Variants in SLC9A6 observed in about 807,000 individuals in gnomAD.
The protein encoded by SLC9A6 is solute carrier family 9 member A6, also known as sodium/hydrogen exchanger 6.
Under a neutral mutation model 45.3 loss-of-function variants are expected in SLC9A6, and 6 were observed. The ratio of observed to expected loss-of-function variants is 0.13; its 90% confidence interval spans 0.07 to 0.26. SLC9A6 has a LOEUF of 0.26. SLC9A6 is among the 10% of genes least tolerant of loss of function. The probability of loss-of-function intolerance (pLI) is 1.00; values close to 1 mark genes in which losing one functional copy is unlikely to be tolerated. For missense variants in SLC9A6, 278 were observed against 503.7 expected (o/e 0.55, Z 4.29); for synonymous variants, 191 against 187.7 (o/e 1.02, Z -0.14).
At chrX:136,042,666 T>C (rs1402115833) in intron 17 of SLC9A6, among the ~76,000 whole-genome samples, 1 of 112,111 alleles carries the variant, frequency 8.9e-6, no homozygotes, top group Admixed American at 9.5e-5. Flanking sequence ...ATATATTTTA[T>C]TGCAAATAAA....
chrX:136,009,009 A>G (rs1396623102), intron 7 of SLC9A6, among the ~76,000 whole-genome samples: 1 of 112,275 alleles, frequency 8.9e-6, no homozygotes, highest in Non-Finnish European at 1.9e-5. Flanking sequence ...GAGGCATGGC[A>G]TAGGTATTTT....
intron 13 of SLC9A6, among the ~76,000 whole-genome samples, chrX:136,026,106 G>A (rs1388771456): frequency 8.9e-6 from 1 of 112,035 alleles, no homozygotes; most frequent in African/African-American, 3.2e-5. Flanking sequence ...TTATAATATT[G>A]TCTTATAGTC....
At chrX:135,992,934 C>T (rs2089453433) in intron 2 of SLC9A6, among the ~76,000 whole-genome samples, 2 of 111,608 alleles carry the variant, frequency 1.8e-5, no homozygotes, top group Non-Finnish European at 3.8e-5. Flanking sequence ...TAGCATAGTA[C>T]ACTCATTCAC....
chrX:135,973,861 G>A (rs1556612930), upstream of SLC9A6: 2 of 1,159,837 alleles, frequency 1.7e-6, no homozygotes, highest in Admixed American at 2.6e-5. Flanking sequence ...GGAAGAAGCA[G>A]AAAGCTACAC....
At chrX:135,998,021 A>G in intron 3 of SLC9A6, 87 bp from the exon 4 acceptor site, 5 of 552,132 alleles carry the variant, frequency 9.1e-6, no homozygotes, top group South Asian at 2.4e-5. Flanking sequence ...CTAGTTTAAC[A>G]TATAGTATTT....
At chrX:136,005,214 C>T (rs900210385) in intron 7 of SLC9A6, among the ~76,000 whole-genome samples, 3 of 112,179 alleles carry the variant, frequency 2.7e-5, no homozygotes, top group East Asian at 2.8e-4. Flanking sequence ...AGTTGATTAG[C>T]GTTAGAGGAA....
At chrX:135,991,923 C>A (rs1466593337) in intron 2 of SLC9A6, among the ~76,000 whole-genome samples, 2 of 110,728 alleles carry the variant, frequency 1.8e-5, no homozygotes, top group African/African-American at 6.6e-5. Flanking sequence ...ATATCATAGT[C>A]TTCTTCCCAT....
chrX:136,020,049 T>A (rs2071093129), intron 11 of SLC9A6, among the ~76,000 whole-genome samples: 1 of 112,271 alleles, frequency 8.9e-6, no homozygotes, highest in East Asian at 2.8e-4. Context: ...ACCACAGAGG[T>A]AAAATGCCAT....
At position 135,994,950 on chromosome X, in the gene SLC9A6, C is replaced by G; in HGVS notation, c.334C>G (p.Leu112Val). ...GAAAGGAGAGATTAGTTCACATGAA[C>G]TCAATAATGTTCAAGATAATGAAAT... is the stretch of plus-strand genomic sequence containing the variant. ...MLKGEISSHE[L>V]NNVQDNEMLR... Residue 112 changes from leucine (L) to valine (V), a missense_variant, in exon 3 of 18, where the codon CTC becomes GTC. By Grantham distance (32) the Leu-to-Val change is conservative. Around this residue, in one of 5 missense-constraint regions of SLC9A6, gnomAD observed 118 missense variants for 209.9 expected, o/e 0.56. Coordinates refer to ENST00000630721, the MANE Select transcript of SLC9A6 (RefSeq NM_001379110.1). 1 of 1,198,726 alleles carries G rather than the reference C, an allele frequency of 8.3e-7. No homozygotes were observed. Among genetic ancestry groups the G allele is most frequent in the Non-Finnish European group, 1.1e-6 (1 of 883,929 alleles).
intron 2 of SLC9A6, among the ~76,000 whole-genome samples, chrX:135,990,427 G>A (rs1556615545): frequency 8.9e-6 from 1 of 111,989 alleles, no homozygotes; most frequent in Non-Finnish European, 1.9e-5. Context: ...CTTTCACTGA[G>A]AATTGCTTTG....
At chrX:136,022,770 C>A (rs1556620078) in intron 12 of SLC9A6, 73 bp downstream of exon 12, 1 of 559,821 alleles carries the variant, frequency 1.8e-6, no homozygotes, top group African/African-American at 2.3e-5. Flanking sequence ...TGATGTAACA[C>A]TGAGATGTTA....
intron 17 of SLC9A6, among the ~76,000 whole-genome samples, chrX:136,042,723 A>C (rs1556622852): frequency 1.8e-5 from 2 of 111,611 alleles, no homozygotes; most frequent in Non-Finnish European, 3.8e-5. Context: ...ATGGGATTAT[A>C]ATAGGCATAT....
In SLC9A6 at chrX:136,010,512, A is replaced by C; in HGVS notation, c.814A>C (p.Ile272Leu). ...TGATGTCACAGCGATGTTCAAGTCT[A>C]TTGGGATCTTCCTTGGAATCTTCAG... is the stretch of plus-strand genomic sequence containing the variant. ...TFDVTAMFKS[I>L]GIFLGIFSGS... Residue 272 changes from isoleucine to leucine, a missense_variant, in exon 8 of 18, where the codon ATT (isoleucine) becomes CTT (leucine). Physicochemically the swap from Ile to Leu is conservative, Grantham distance 5. This residue lies in a region of SLC9A6 where 118 missense variants were observed against 209.9 expected (regional missense o/e 0.56). Coordinates refer to ENST00000630721, the MANE Select transcript of SLC9A6 (RefSeq NM_001379110.1). 8.3e-7 allele frequency: 1 copy of C among 1,210,914 alleles called. No homozygotes were observed. Among genetic ancestry groups the C allele is most frequent in the Non-Finnish European group, 1.1e-6 (1 of 894,610 alleles).
intron 6 of SLC9A6, among the ~76,000 whole-genome samples, chrX:135,999,957 G>T (rs782375739): frequency 7.2e-5 from 8 of 110,738 alleles, no homozygotes; most frequent in Middle Eastern, 4.7e-3. Flanking sequence ...CTCTATGAGA[G>T]ATATTTTGGC....
intron 2 of SLC9A6, among the ~76,000 whole-genome samples, chrX:135,989,841 A>G (rs2089401351): frequency 9.0e-6 from 1 of 111,570 alleles, no homozygotes; most frequent in Admixed American, 9.5e-5. Flanking sequence ...CAGGAGGGTC[A>G]GGAATGTGTA....
In SLC9A6 at chrX:136,046,156, A is replaced by G. The variant is rs782493098; in HGVS notation, c.*1432A>G. On this transcript the variant is annotated 3_prime_UTR_variant, in exon 18 of 18. Transcript: ENST00000630721. The stretch of plus-strand genomic sequence containing the variant: ...TTTTTTTCCCTCAGGTCTGAGTAGC[A>G]TTGCCTTAAATCTTATCCAGTTAGA... 874 of 112,326 alleles carry G rather than the reference A, an allele frequency of 7.8e-3. 1 individual carries two copies. The highest frequency in any genetic ancestry group is 0.013 in the Non-Finnish European group (707 of 53,189). The allele number at this position is 112,326 out of a possible 1,213,427, so 9.3% of individuals were successfully genotyped here. A position where few individuals can be genotyped will look rare whatever the true frequency, so the allele number is the denominator to read the frequency against.
upstream of SLC9A6, chrX:135,983,485 G>A (rs2089296394): frequency 9.1e-6 from 1 of 109,349 alleles, no homozygotes; most frequent in African/African-American, 3.4e-5. Context: ...GAGCAGTGCT[G>A]GATGGAGAGA....
At chrX:136,030,041 T>G in intron 14 of SLC9A6, 91 bp from the exon 15 acceptor site, 1 of 846,734 alleles carries the variant, frequency 1.2e-6, no homozygotes, top group East Asian at 3.1e-5. Flanking sequence ...AGCTTCTGTG[T>G]TGAGAAAAGT....
chrX:136,031,108 T>C (rs781802259), intron 15 of SLC9A6, among the ~76,000 whole-genome samples: 2 of 112,436 alleles, frequency 1.8e-5, no homozygotes, highest in African/African-American at 6.5e-5. Context: ...TAGAATTCCA[T>C]GGGCTTGACA....
Sources: gnomAD v4.1 joint callset for allele counts (sites outside exome capture counted in the v4.1 genomes callset) on GRCh38, gnomAD v4.1.1 for gene constraint, gnomAD v4.1.1 regional missense constraint, MANE v1.5 for transcripts, NCBI Gene and HGNC (gene_info 2026-07-23, HGNC 2026-07-21) for gene names.